ADAMTS12: variants seen among roughly 807,000 people sequenced by gnomAD.
ADAMTS12 encodes the protein ADAM metallopeptidase with thrombospondin type 1 motif 12, also known as A disintegrin and metalloproteinase with thrombospondin motifs 12.
In ADAMTS12, 118 loss-of-function variants were observed where a neutral mutation model predicts 167.8. The observed-to-expected ratio is 0.70, with a 90% confidence interval of 0.61 to 0.82. The LOEUF is 0.82. Ranked by LOEUF, ADAMTS12 falls within the 40% of genes least tolerant of loss-of-function variation. The probability of loss-of-function intolerance (pLI) is 0.00; values close to 1 mark genes in which losing one functional copy is unlikely to be tolerated. For missense variants in ADAMTS12, 1,916 were observed against 1,998.8 expected, an observed-to-expected ratio of 0.96 and a Z score of 0.79; for synonymous variants, 704 against 716.9, an observed-to-expected ratio of 0.98 and a Z score of 0.29.
rs1269537043 is a variant in ADAMTS12 at position 33,712,692 on chromosome 5, C to A, written c.635-28637G>T. Among the ~76,000 whole-genome samples the A allele has an allele frequency of 3.9e-5, 6 of 152,242 alleles. No homozygotes were observed. The East Asian group carries it at 5.8e-4, about 15-fold the overall frequency. On this transcript the variant is annotated intron_variant, in intron 3 of 23. Transcript: ENST00000504830. The stretch of plus-strand genomic sequence containing the variant: ...TGAGAAGCTGTGATGATCTACATAA[C>A]AAACTGGCAAAGATGAACTAGTTTG...
intron 20 of ADAMTS12, among the ~76,000 whole-genome samples, chr5:33,552,406 G>A (rs903243898): frequency 6.6e-6 from 1 of 152,182 alleles, no homozygotes; most frequent in African/African-American, 2.4e-5. Context: ...GGATAAACTA[G>A]ATGATTAAAC....
In ADAMTS12 at chr5:33,524,970, GT is replaced by G. The variant is rs1485465445; in HGVS notation, c.*2217del. ...ACACGGAGAAATTTGGCCTAGTTTA[GT>G]TGGTTGAGGTCAGTAGGAATCTGAG... is the stretch of plus-strand genomic sequence containing the variant. On this transcript the variant is annotated 3_prime_UTR_variant, in exon 24 of 24. Transcript: ENST00000504830. 3 of 152,204 alleles carry G rather than the reference GT, an allele frequency of 2.0e-5. No individual in the cohort carries two copies. Among genetic ancestry groups the G allele is most frequent in the Non-Finnish European group, 4.4e-5 (3 of 68,052 alleles). 9.4% of individuals were successfully genotyped at this position (152,204 alleles called of 1,614,324 possible).
chr5:33,551,221 T>C (rs935841954), intron 20 of ADAMTS12, among the ~76,000 whole-genome samples: 2 of 152,168 alleles, frequency 1.3e-5, no homozygotes, highest in African/African-American at 4.8e-5. Flanking sequence ...TTTATTCCTC[T>C]GATTGGCAGA....
At chr5:33,562,114 A>G (rs1745776843) in intron 19 of ADAMTS12, among the ~76,000 whole-genome samples, 1 of 152,204 alleles carries the variant, frequency 6.6e-6, no homozygotes, top group African/African-American at 2.4e-5. Flanking sequence ...ACCTTGCTAA[A>G]TGCAGATTCT....
chr5:33,859,743 C>T (rs1344628138), intron 2 of ADAMTS12, among the ~76,000 whole-genome samples: 4 of 152,184 alleles, frequency 2.6e-5, no homozygotes, highest in African/African-American at 7.2e-5. Flanking sequence ...GGTCGACAGA[C>T]ACCTCATACA....
intron 5 of ADAMTS12, among the ~76,000 whole-genome samples, chr5:33,674,125 A>G (rs1026523943): frequency 1.3e-5 from 2 of 152,150 alleles, no homozygotes; most frequent in Non-Finnish European, 2.9e-5. Context: ...AGATATACTG[A>G]CTGACAAAAC....
chr5:33,754,224 A>G (rs1315531315), intron 2 of ADAMTS12, among the ~76,000 whole-genome samples: 1 of 152,242 alleles, frequency 6.6e-6, no homozygotes, highest in Non-Finnish European at 1.5e-5. Flanking sequence ...AAATTGCCCA[A>G]GAGAACCACC....
chr5:33,751,204 T>G, intron 3 of ADAMTS12, 200 bp downstream of exon 3: 1 of 626,658 alleles, frequency 1.6e-6, no homozygotes, highest in South Asian at 2.3e-5. Context: ...TATTGACAAG[T>G]GAAAGGGTTT....
At chr5:33,861,566 C>T in intron 2 of ADAMTS12, among the ~76,000 whole-genome samples, 1 of 152,160 alleles carries the variant, frequency 6.6e-6, no homozygotes, top group East Asian at 1.9e-4. Context: ...TAGACTCCCA[C>T]ACGATAACAT....
chr5:33,599,116 C>A (rs1004851852), intron 16 of ADAMTS12, among the ~76,000 whole-genome samples: 1 of 152,154 alleles, frequency 6.6e-6, no homozygotes, highest in Non-Finnish European at 1.5e-5. Flanking sequence ...TTTGAGTCTT[C>A]CTAGCCAAAG....
intron 2 of ADAMTS12, among the ~76,000 whole-genome samples, chr5:33,778,762 A>G (rs1409244595): frequency 2.0e-5 from 3 of 152,210 alleles, no homozygotes; most frequent in African/African-American, 7.2e-5. Flanking sequence ...AAATATTTGC[A>G]AATCAGATAT....
At chr5:33,681,313 A>G (rs183420456) in intron 5 of ADAMTS12, among the ~76,000 whole-genome samples, 2 of 152,356 alleles carry the variant, frequency 1.3e-5, no homozygotes, top group South Asian at 2.1e-4. Context: ...CAAGAAAACA[A>G]TAAGCCCTCC....
intron 13 of ADAMTS12, among the ~76,000 whole-genome samples, chr5:33,624,723 G>A (rs1579764501): frequency 6.6e-6 from 1 of 152,188 alleles, no homozygotes; most frequent in Non-Finnish European, 1.5e-5. Context: ...GGAGAGCCAC[G>A]AAGCTTGGGG....
chr5:33,695,723 G>GT, intron 3 of ADAMTS12, among the ~76,000 whole-genome samples: 1 of 152,278 alleles, frequency 6.6e-6, no homozygotes, highest in East Asian at 1.9e-4. Context: ...GGGAAAAACT[G>GT]TTTAATTTGT....
At position 33,693,364 on chromosome 5, in the gene ADAMTS12, G is replaced by A. The variant is rs115110970; in HGVS notation, c.635-9309C>T. 6.2e-3 allele frequency among the ~76,000 whole-genome samples: 945 copies of A among 152,202 alleles called. 8 individuals are homozygous for A. The highest frequency in any genetic ancestry group is 0.018 in the African/African-American group (757 of 41,532). ...TGATGAGACTTCATTTTTAAAGAAC[G>A]TGAAAGAGATAATATTTATATATGG... On this transcript the variant is annotated intron_variant, in intron 3 of 23. Coordinates refer to ENST00000504830, the MANE Select transcript of ADAMTS12 (RefSeq NM_030955.4).
At chr5:33,575,296 C>G (rs1746635810) in intron 19 of ADAMTS12, among the ~76,000 whole-genome samples, 1 of 152,108 alleles carries the variant, frequency 6.6e-6, no homozygotes, top group East Asian at 1.9e-4. Context: ...AATTTTAAAC[C>G]AAGTCTCAAA....
In ADAMTS12 at chr5:33,637,588, ATGGGAAACCAG is replaced by A; in HGVS notation, c.1866_1876del (p.Trp623PhefsTer2). 1 of 1,613,022 alleles carries A rather than the reference ATGGGAAACCAG, an allele frequency of 6.2e-7. No homozygotes were observed. The highest frequency in any genetic ancestry group is 8.5e-7 in the Non-Finnish European group (1 of 1,179,316). On this transcript the variant is annotated frameshift_variant, in exon 12 of 24. Transcript: ENST00000504830. LOFTEE classifies it high-confidence loss of function. ...TTACAGCTCCTTACCTGGGTTAAAA[ATGGGAAACCAG>A]TGGTAGAGTTCATTCTTGTAGGGAA...
At chr5:33,753,490 A>G (rs745363192) in intron 2 of ADAMTS12, among the ~76,000 whole-genome samples, 8 of 152,198 alleles carry the variant, frequency 5.3e-5, no homozygotes, top group Non-Finnish European at 1.0e-4. Flanking sequence ...CAGAAAGCTC[A>G]TTTGTTCTAT....
At chr5:33,824,184 G>A (rs750236580) in intron 2 of ADAMTS12, among the ~76,000 whole-genome samples, 2 of 152,084 alleles carry the variant, frequency 1.3e-5, no homozygotes, top group African/African-American at 2.4e-5. Context: ...CCAGATACTG[G>A]GCTAGGGCTT....
Sources: gnomAD v4.1 joint callset for allele counts (sites outside exome capture counted in the v4.1 genomes callset) on GRCh38, gnomAD v4.1.1 for gene constraint, MANE v1.5 for transcripts, NCBI Gene and HGNC (gene_info 2026-07-23, HGNC 2026-07-21) for gene names.